TBC1D2B: variants seen among roughly 807,000 people sequenced by gnomAD.
The protein encoded by TBC1D2B is TBC1 domain family member 2B, also known as TBC1 domain family, member 2B.
In TBC1D2B, 64 loss-of-function variants were observed where a neutral mutation model predicts 100.8. That is an observed-to-expected ratio of 0.64 (90% confidence interval 0.52 to 0.78). The LOEUF is 0.78. Ranked by LOEUF, TBC1D2B falls within the 30% of genes least tolerant of loss-of-function variation. The pLI, the probability that TBC1D2B is intolerant of heterozygous loss-of-function variation, is 0.00. For synonymous variants in TBC1D2B, 480 were observed against 479.7 expected (o/e 1.00, Z -0.01); for missense variants, 1,052 against 1,218.4 (o/e 0.86, Z 2.03).
At position 77,998,284 on chromosome 15, in the gene TBC1D2B, T is replaced by C. The variant is rs772473489; in HGVS notation, c.2768A>G (p.Tyr923Cys). The change falls in exon 13 of 13, where the codon TAC becomes TGC. Residue 923 changes from tyrosine to cysteine, a missense_variant. Coordinates refer to ENST00000300584, the MANE Select transcript of TBC1D2B (RefSeq NM_144572.2). ...PLRQIRNRRA[Y>C]HLEKVRLELT... ...CTCCAGCCGGACTTTCTCCAAGTGG[T>C]AGGCGCGTCGGTTCCGGATCTGGCG... 8.1e-6 allele frequency: 13 copies of C among 1,605,316 alleles called. No individual in the cohort carries two copies. The highest frequency in any genetic ancestry group is 1.7e-5 in the Admixed American group (1 of 58,682).
At chr15:78,045,757 T>C (rs2073181681) in intron 2 of TBC1D2B, among the ~76,000 whole-genome samples, 1 of 152,206 alleles carries the variant, frequency 6.6e-6, no homozygotes, top group Non-Finnish European at 1.5e-5. Flanking sequence ...TTGCTTCAGG[T>C]AACATGTTAT....
At chr15:78,016,321 G>A (rs1200421293) in intron 8 of TBC1D2B, among the ~76,000 whole-genome samples, 1 of 151,192 alleles carries the variant, frequency 6.6e-6, no homozygotes, top group Admixed American at 6.6e-5. Flanking sequence ...TTACTTACAC[G>A]AAAAATAGGT....
chr15:78,061,556 G>C (rs1006317834), intron 1 of TBC1D2B, among the ~76,000 whole-genome samples: 10 of 150,290 alleles, frequency 6.7e-5, no homozygotes, highest in African/African-American at 2.4e-4. Context: ...CTGGGTGACA[G>C]AGCGAGACCC....
In TBC1D2B at chr15:78,000,150, G is replaced by C. The variant is rs186106280; in HGVS notation, c.2696+1469C>G. Among the ~76,000 whole-genome samples, 135 of 152,334 alleles carry C rather than the reference G, an allele frequency of 8.9e-4. 1 individual carries two copies. The Middle Eastern group carries it at 0.01, about 12-fold the overall frequency. ...TGCCGCCGCCTTGGCACTCCTTAAA[G>C]CACCTGTTGGTGTGGCGACCCTGCT... On this transcript the variant is annotated intron_variant, in intron 12 of 12. Transcript: ENST00000300584.
At chr15:78,056,053 A>G (rs1295290191) in intron 1 of TBC1D2B, among the ~76,000 whole-genome samples, 1 of 152,220 alleles carries the variant, frequency 6.6e-6, no homozygotes, top group Non-Finnish European at 1.5e-5. Context: ...TATCTTCTCC[A>G]AGAAACAAAC....
At position 78,054,181 on chromosome 15, in the gene TBC1D2B, T is replaced by C; in HGVS notation, c.367A>G (p.Asn123Asp). 6.2e-7 allele frequency: 1 copy of C among 1,609,824 alleles called. No individual in the cohort carries two copies. Among genetic ancestry groups the C allele is most frequent in the Non-Finnish European group, 8.5e-7 (1 of 1,178,694 alleles). ...AGAVTVLKAP[N>D]RQLMTYWLQE... ...AACCAGTAAGTCATGAGTTGACGAT[T>C]GGGAGCCTAGAAAGAGGGAGGGGAA... The change falls in exon 2 of 13, where the codon AAT (asparagine) becomes GAT (aspartate). Residue 123 changes from asparagine (N) to aspartate (D), a missense_variant. Physicochemically the swap from Asn to Asp is conservative, Grantham distance 23. Around this residue, in one of 4 missense-constraint regions of TBC1D2B, gnomAD observed 627 missense variants for 646.1 expected, o/e 0.97. Coordinates refer to ENST00000300584, the MANE Select transcript of TBC1D2B (RefSeq NM_144572.2).
At chr15:78,070,522 C>T (rs2073727557) in intron 1 of TBC1D2B, among the ~76,000 whole-genome samples, 1 of 152,238 alleles carries the variant, frequency 6.6e-6, no homozygotes, top group Admixed American at 6.5e-5. Context: ...CCTAAGCACA[C>T]ACAGTGAGTG....
chr15:78,025,152 A>G, intron 5 of TBC1D2B, 107 bp downstream of exon 5: 1 of 950,962 alleles, frequency 1.1e-6, no homozygotes, highest in South Asian at 1.6e-5. Context: ...ACTCCTGGGA[A>G]ACAAAGCTGT....
chr15:78,016,702 CT>C lies in TBC1D2B; in HGVS notation c.1618del (p.Ser540ValfsTer4). 6 of 1,587,096 alleles carry C rather than the reference CT, an allele frequency of 3.8e-6. No individual in the cohort carries two copies. Among genetic ancestry groups the C allele is most frequent in the Non-Finnish European group, 4.3e-6 (5 of 1,167,944 alleles). On this transcript the variant is annotated frameshift_variant, in exon 8 of 13. Coordinates refer to ENST00000300584, the MANE Select transcript of TBC1D2B (RefSeq NM_144572.2). LOFTEE classifies it high-confidence loss of function. ...SLEAKLCQIE[S>X]KYLILLQEMK... The stretch of plus-strand genomic sequence containing the variant: ...TTCTTGGAGCAATATCAGGTATTTA[CT>C]TTCTATCTGGCAGAGCTTGGCTTCC...
At chr15:78,073,096 T>G (rs1426431875) in intron 1 of TBC1D2B, among the ~76,000 whole-genome samples, 1 of 152,174 alleles carries the variant, frequency 6.6e-6, no homozygotes, top group African/African-American at 2.4e-5. Flanking sequence ...TACTACACAT[T>G]TTAGACATTC....
chr15:78,004,925 A>G (rs893080131), intron 10 of TBC1D2B, among the ~76,000 whole-genome samples: 3 of 152,220 alleles, frequency 2.0e-5, no homozygotes, highest in Admixed American at 2.0e-4. Flanking sequence ...TTAACTGTAC[A>G]TATTTTCCTA....
intron 10 of TBC1D2B, among the ~76,000 whole-genome samples, chr15:78,006,510 C>T (rs1372446400): frequency 2.6e-5 from 4 of 152,218 alleles, no homozygotes; most frequent in East Asian, 3.9e-4. Flanking sequence ...GCAGCTGTGG[C>T]GAAAGCCCAC....
intron 7 of TBC1D2B, 93 bp from the exon 8 acceptor site, chr15:78,016,832 A>C: frequency 9.7e-7 from 1 of 1,026,030 alleles, no homozygotes; most frequent in Non-Finnish European, 1.4e-6. Flanking sequence ...ACAAACCCAA[A>C]ACTATTAGGA....
intron 1 of TBC1D2B, among the ~76,000 whole-genome samples, chr15:78,066,992 C>CA (rs1422726592): frequency 6.6e-6 from 1 of 152,184 alleles, no homozygotes; most frequent in African/African-American, 2.4e-5. Context: ...TGCCCCAACA[C>CA]AAAATGGTTA....
intron 1 of TBC1D2B, among the ~76,000 whole-genome samples, chr15:78,070,668 A>AT (rs1003740524): frequency 1.3e-5 from 2 of 152,096 alleles, no homozygotes; most frequent in Non-Finnish European, 2.9e-5. Context: ...TTGCTATTTT[A>AT]TTTTTTTGAA....
chr15:78,000,323 A>G (rs867846382), intron 12 of TBC1D2B, among the ~76,000 whole-genome samples: 30 of 152,076 alleles, frequency 2.0e-4, no homozygotes, highest in Non-Finnish European at 4.0e-4. Flanking sequence ...ACGCCCACTC[A>G]CCTCCGCTCC....
intron 8 of TBC1D2B, among the ~76,000 whole-genome samples, chr15:78,015,569 C>A (rs1287604698): frequency 1.3e-5 from 2 of 152,214 alleles, no homozygotes; most frequent in Non-Finnish European, 2.9e-5. Context: ...AGCAGCAATG[C>A]CCAGCGTACT....
At chr15:78,044,063 G>A (rs1318337177) in intron 3 of TBC1D2B, among the ~76,000 whole-genome samples, 4 of 150,114 alleles carry the variant, frequency 2.7e-5, no homozygotes, top group Admixed American at 2.0e-4. Flanking sequence ...CAAATTCATA[G>A]AGATAGAAAG....
At chr15:78,059,911 G>A (rs2073508343) in intron 1 of TBC1D2B, among the ~76,000 whole-genome samples, 1 of 152,210 alleles carries the variant, frequency 6.6e-6, no homozygotes, top group Non-Finnish European at 1.5e-5. Flanking sequence ...AGGGGCTGGA[G>A]TAGCAACCCA....
Sources: gnomAD v4.1 joint callset for allele counts (sites outside exome capture counted in the v4.1 genomes callset) on GRCh38, gnomAD v4.1.1 for gene constraint, gnomAD v4.1.1 regional missense constraint, MANE v1.5 for transcripts, NCBI Gene and HGNC (gene_info 2026-07-23, HGNC 2026-07-21) for gene names.